The following ROR2 variants were observed in gnomAD, a reference collection of about 807,000 sequenced individuals.
ROR2 encodes the protein tyrosine-protein kinase transmembrane receptor ROR2.
ROR2 carries 33 observed loss-of-function variants against 74.9 expected under a neutral mutation model. That is an observed-to-expected ratio of 0.44 (90% CI 0.33 to 0.59). The LOEUF is 0.59. Ranked by LOEUF, ROR2 falls within the 20% of genes least tolerant of loss-of-function variation. The probability of loss-of-function intolerance (pLI) is 0.02; values close to 1 mark genes in which losing one functional copy is unlikely to be tolerated. For synonymous variants in ROR2, 586 were observed against 558.7 expected (o/e 1.05, Z -0.69); for missense variants, 1,216 against 1,313.8 (o/e 0.93, Z 1.15).
At chr9:91,744,555 TTTCC>T (rs1433222784) in intron 4 of ROR2, among the ~76,000 whole-genome samples, 1 of 152,168 alleles carries the variant, frequency 6.6e-6, no homozygotes, top group Non-Finnish European at 1.5e-5. Flanking sequence ...GAATGAATGA[TTTCC>T]TTGAGAATTA....
intron 1 of ROR2, among the ~76,000 whole-genome samples, chr9:91,855,098 T>C (rs1209925174): frequency 6.6e-6 from 1 of 152,146 alleles, no homozygotes; most frequent in Non-Finnish European, 1.5e-5. Flanking sequence ...TAATTACTCT[T>C]AAAAATATCT....
At chr9:91,787,801 T>TTG (rs746275411) in intron 1 of ROR2, among the ~76,000 whole-genome samples, 8,803 of 151,550 alleles carry the variant, frequency 0.058, 481 homozygotes, top group Admixed American at 0.16. Flanking sequence ...ATGCACAGAA[T>TTG]GGGGGGGAGA....
At chr9:91,927,923 A>G (rs1470925461) in intron 1 of ROR2, among the ~76,000 whole-genome samples, 1 of 152,048 alleles carries the variant, frequency 6.6e-6, no homozygotes, top group East Asian at 1.9e-4. Flanking sequence ...TGTATCAACT[A>G]TATTTTATTT....
chr9:91,755,905 A>G, intron 4 of ROR2, 166 bp downstream of exon 4: 2 of 698,212 alleles, frequency 2.9e-6, no homozygotes, highest in Non-Finnish European at 5.1e-6. Flanking sequence ...GAAAAATGTA[A>G]ATGTTTCCCA....
intron 3 of ROR2, 70 bp downstream of exon 3, chr9:91,757,202 C>G: frequency 1.3e-6 from 2 of 1,591,852 alleles, no homozygotes; most frequent in Non-Finnish European, 1.7e-6. Context: ...CAAATAGCAA[C>G]TGGACCTCTT....
intron 1 of ROR2, among the ~76,000 whole-genome samples, chr9:91,819,702 G>C (rs557065156): frequency 7.9e-5 from 7 of 88,570 alleles, no homozygotes; most frequent in African/African-American, 3.0e-4. Context: ...GTGTTTTTCA[G>C]TGTGTTCTGT....
intron 1 of ROR2, among the ~76,000 whole-genome samples, chr9:91,896,421 T>G (rs1283199806): frequency 1.3e-5 from 2 of 152,228 alleles, no homozygotes; most frequent in Non-Finnish European, 2.9e-5. Flanking sequence ...CTATTTCTCC[T>G]CACAAGGTGA....
intron 1 of ROR2, among the ~76,000 whole-genome samples, chr9:91,794,274 G>GT (rs1255944054): frequency 3.9e-5 from 6 of 152,210 alleles, no homozygotes; most frequent in Non-Finnish European, 5.9e-5. Flanking sequence ...TAGTTATTTT[G>GT]TTTAACTCTC....
intron 4 of ROR2, among the ~76,000 whole-genome samples, chr9:91,753,422 GAAGTTAAC>G (rs1365634947): frequency 1.3e-5 from 2 of 152,206 alleles, no homozygotes; most frequent in African/African-American, 4.8e-5. Context: ...CAGAGTGGCA[GAAGTTAAC>G]AAGTTTGGAA....
At chr9:91,839,121 C>T (rs556797802) in intron 1 of ROR2, among the ~76,000 whole-genome samples, 1 of 152,310 alleles carries the variant, frequency 6.6e-6, no homozygotes, top group African/African-American at 2.4e-5. Flanking sequence ...ATGACAGCAG[C>T]TTAGGAAAGA....
chr9:91,941,793 C>T (rs1243760772), intron 1 of ROR2, among the ~76,000 whole-genome samples: 1 of 137,124 alleles, frequency 7.3e-6, no homozygotes, highest in African/African-American at 2.6e-5. Context: ...CTTCTCTTCT[C>T]TTCTCTTTCA....
intron 1 of ROR2, among the ~76,000 whole-genome samples, chr9:91,790,369 G>T (rs548879664): frequency 6.6e-6 from 1 of 152,076 alleles, no homozygotes; most frequent in South Asian, 2.1e-4. Context: ...AATTAGCTGG[G>T]TGTGGTGGCG....
chr9:91,946,876 G>A (rs917330458), intron 1 of ROR2, among the ~76,000 whole-genome samples: 21 of 152,202 alleles, frequency 1.4e-4, no homozygotes, highest in Middle Eastern at 3.4e-3. Context: ...TGAGCTGTTC[G>A]TACCCCTGTA....
At chr9:91,811,609 C>A (rs1451856376) in intron 1 of ROR2, among the ~76,000 whole-genome samples, 1 of 152,226 alleles carries the variant, frequency 6.6e-6, no homozygotes, top group Non-Finnish European at 1.5e-5. Context: ...GGAAGCCACC[C>A]AACTACCTCC....
At chr9:91,787,573 T>C (rs1451537261) in intron 1 of ROR2, among the ~76,000 whole-genome samples, 2 of 152,148 alleles carry the variant, frequency 1.3e-5, no homozygotes, top group East Asian at 3.8e-4. Flanking sequence ...AACTCAGTGG[T>C]CACACATTAC....
At chr9:91,862,577 G>A (rs760394838) in intron 1 of ROR2, among the ~76,000 whole-genome samples, 12 of 152,078 alleles carry the variant, frequency 7.9e-5, no homozygotes, top group East Asian at 5.8e-4. Flanking sequence ...CAGGAGAATC[G>A]CTTGAGCCCA....
Position 91,730,944 on chromosome 9 carries a change from G to A in ROR2, c.1149C>T (p.Asn383=), listed in dbSNP as rs564454687. Residue 383 remains asparagine, a synonymous_variant, in exon 7 of 9, where the codon AAC becomes AAT. Coordinates refer to ENST00000375708, the MANE Select transcript of ROR2 (RefSeq NM_004560.4). ...GTACGTCACACAGTTCCATGCGTAC[G>A]TTTTTATTCTGCGTAAAGCACCAGG... is the stretch of plus-strand genomic sequence containing the variant. ...EGPWCFTQNK[N]VRMELCDVPS... 1.9e-5 allele frequency: 31 copies of A among 1,614,178 alleles called. No individual in the cohort carries two copies. The South Asian group carries it at 2.5e-4, about 13-fold the overall frequency.
intron 4 of ROR2, among the ~76,000 whole-genome samples, chr9:91,751,428 C>T (rs1427129426): frequency 2.6e-5 from 4 of 152,068 alleles, no homozygotes; most frequent in African/African-American, 7.2e-5. Flanking sequence ...ATCATAAAAA[C>T]GGTTCCTGGC....
intron 4 of ROR2, among the ~76,000 whole-genome samples, chr9:91,750,889 C>T (rs142566044): frequency 5.9e-5 from 9 of 152,334 alleles, no homozygotes; most frequent in African/African-American, 2.2e-4. Flanking sequence ...GATGTTCAAC[C>T]TCACTATTTA....
Sources: allele counts gnomAD v4.1 joint callset (sites outside exome capture counted in the v4.1 genomes callset), GRCh38; gene constraint gnomAD v4.1.1; transcripts MANE v1.5; gene names NCBI Gene and HGNC (gene_info 2026-07-23, HGNC 2026-07-21).